CD99: variants seen among roughly 807,000 people sequenced by gnomAD.
CD99 encodes CD99 molecule (Xg blood group), also known as CD99 antigen.
CD99 carries 19 observed loss-of-function variants against 28.4 expected under a neutral mutation model. The ratio of observed to expected loss-of-function variants is 0.67; its 90% CI spans 0.47 to 0.98. The LOEUF (loss-of-function observed/expected upper bound fraction) is 0.98, where lower values mean the gene tolerates loss of function less well. Ranked by LOEUF, CD99 falls within the 50% of genes least tolerant of loss-of-function variation. CD99 has a pLI of 0.00. For missense variants in CD99, 283 were observed against 248.8 expected (o/e 1.14, Z -0.92); for synonymous variants, 103 against 92.1 (o/e 1.12, Z -0.67).
At chrX:2,694,107 C>G (rs1329511586) in intron 1 of CD99, among the ~76,000 whole-genome samples, 1 of 152,110 alleles carries the variant, frequency 6.6e-6, no homozygotes, top group Non-Finnish European at 1.5e-5. Context: ...CGCACACATC[C>G]GATGCATCCC....
rs190375439 is a variant in CD99 at position 2,726,845 on chromosome X, C to T, written c.475+472C>T. On this transcript the variant is annotated intron_variant, in intron 8 of 9. Transcript: ENST00000381192. ...CTCCACTGAGAGTTAAGTTAAAAGC[C>T]GGCACAAGGCCGGACATGGTGGCTC... 3.0e-3 allele frequency among the ~76,000 whole-genome samples: 451 copies of T among 152,046 alleles called. 2 individuals carry two copies. Among genetic ancestry groups the T allele is most frequent in the African/African-American group, 9.9e-3 (411 of 41,436 alleles).
chrX:2,709,701 T>G (rs761620578), intron 1 of CD99, among the ~76,000 whole-genome samples: 1 of 152,106 alleles, frequency 6.6e-6, no homozygotes, highest in Non-Finnish European at 1.5e-5. Flanking sequence ...TGCATGAACA[T>G]AGACACACAC....
At position 2,722,627 on chromosome X, in the gene CD99, G is replaced by C; in HGVS notation, c.263G>C (p.Gly88Ala). ...GGTGATGCTGTATTTTCTTTCCTAG[G>C]TAGCTTTTCAGATGCTGACCTTGCG... is the stretch of plus-strand genomic sequence containing the variant. ...NPNPNHPSSS[G>A]SFSDADLADG... Residue 88 changes from glycine (G) to alanine (A), a missense_variant and splice_region_variant, in exon 6 of 10, where the codon GGT becomes GCT. Transcript: ENST00000381192. The C allele has an allele frequency of 6.2e-7, 1 of 1,613,934 alleles. No individual in the cohort carries two copies. Among genetic ancestry groups the C allele is most frequent in the Non-Finnish European group, 8.5e-7 (1 of 1,179,842 alleles).
At chrX:2,706,826 ATTAAT>A (rs2048139981) in intron 1 of CD99, among the ~76,000 whole-genome samples, 1 of 151,808 alleles carries the variant, frequency 6.6e-6, no homozygotes, top group Non-Finnish European at 1.5e-5. Flanking sequence ...TAATTAATTA[ATTAAT>A]TTATTTCGAG....
intron 1 of CD99, among the ~76,000 whole-genome samples, chrX:2,697,555 C>A (rs311036): frequency 0.43 from 65,480 of 151,856 alleles, 15,030 homozygotes; most frequent in South Asian, 0.51. Context: ...CCCTGGCAAG[C>A]ATTGATCCAC....
At chrX:2,734,524 C>A (rs1421514562) in intron 8 of CD99, among the ~76,000 whole-genome samples, 1 of 151,938 alleles carries the variant, frequency 6.6e-6, no homozygotes, top group African/African-American at 2.4e-5. Context: ...CCAGGCTGAT[C>A]TCGAACTTCT....
At chrX:2,732,523 T>G (rs178127) in intron 8 of CD99, among the ~76,000 whole-genome samples, 59,766 of 146,990 alleles carry the variant, frequency 0.41, 13,606 homozygotes, top group African/African-American at 0.63. Context: ...TCTCTCTTCC[T>G]TCCCTGCTTT....
intron 1 of CD99, among the ~76,000 whole-genome samples, chrX:2,693,324 GA>G (rs1400202547): frequency 2.4e-5 from 3 of 124,218 alleles, no homozygotes; most frequent in Non-Finnish European, 4.8e-5. Context: ...TGAGTAAAGG[GA>G]AGAGTACCTG....
At chrX:2,731,467 G>A (rs1355596309) in intron 8 of CD99, among the ~76,000 whole-genome samples, 1 of 152,182 alleles carries the variant, frequency 6.6e-6, no homozygotes, top group Non-Finnish European at 1.5e-5. Flanking sequence ...GTGCACACAT[G>A]TATTTCCAGG....
rs775613947 is a variant in CD99 at position 2,726,279 on chromosome X, C to A, written c.381C>A (p.Ile127=). Residue 127 remains isoleucine, a synonymous_variant, in exon 8 of 10, where the codon ATC becomes ATA. Coordinates refer to ENST00000381192, the MANE Select transcript of CD99 (RefSeq NM_002414.5). ...CTGCAGCCGACGCCCCAGGCGTGAT[C>A]CCCGGGATTGTGGGGGCTGTCGTGG... ...EGEEADAPGV[I]PGIVGAVVVA... The A allele has an allele frequency of 6.2e-7, 1 of 1,610,360 alleles. No homozygotes were observed. The highest frequency in any genetic ancestry group is 8.5e-7 in the Non-Finnish European group (1 of 1,178,236).
chrX:2,707,578 C>T (rs1027799504), intron 1 of CD99, among the ~76,000 whole-genome samples: 1 of 152,176 alleles, frequency 6.6e-6, no homozygotes, highest in Non-Finnish European at 1.5e-5. Flanking sequence ...CAGACTGACT[C>T]ATGCCATCTG....
chrX:2,703,419 G>A (rs1195912308), intron 1 of CD99, among the ~76,000 whole-genome samples: 1 of 151,982 alleles, frequency 6.6e-6, no homozygotes, highest in Non-Finnish European at 1.5e-5. Context: ...TATTCACTGC[G>A]GTGTCTTTAA....
intron 1 of CD99, among the ~76,000 whole-genome samples, chrX:2,698,605 T>C (rs2047687581): frequency 1.3e-5 from 2 of 152,150 alleles, no homozygotes; most frequent in South Asian, 4.2e-4. Context: ...TAGTTGGGAC[T>C]ATGGGCACAT....
At chrX:2,714,583 G>T in intron 2 of CD99, 129 bp downstream of exon 2, 1 of 767,796 alleles carries the variant, frequency 1.3e-6, no homozygotes, top group Non-Finnish European at 2.2e-6. Flanking sequence ...GCAATTTTTG[G>T]CTTCCCAGTA....
intron 9 of CD99, among the ~76,000 whole-genome samples, chrX:2,739,641 C>T (rs1184515054): frequency 1.2e-4 from 18 of 151,786 alleles, no homozygotes; most frequent in South Asian, 2.1e-4. Context: ...TTACTAGAGA[C>T]GGGGCTTTCG....
chrX:2,691,352 G>A lies in CD99; in HGVS notation c.-9G>A. 1 of 1,563,260 alleles carries A rather than the reference G, an allele frequency of 6.4e-7. No individual in the cohort carries two copies. ...CTCCGGGACCGTCCCTGCGCGCTCT[G>A]GGCGCACCATGGCCCGCGGGGCTGC... On this transcript the variant is annotated 5_prime_UTR_variant, in exon 1 of 10. Coordinates refer to ENST00000381192, the MANE Select transcript of CD99 (RefSeq NM_002414.5).
chrX:2,720,165 G>A (rs1163658507), intron 4 of CD99, among the ~76,000 whole-genome samples, 191 bp from the exon 5 acceptor site: 5 of 152,152 alleles, frequency 3.3e-5, no homozygotes, highest in African/African-American at 9.7e-5. Context: ...ATTAAACATA[G>A]TTGACATTAA....
chrX:2,691,370 G>C lies in CD99; in HGVS notation c.10G>C (p.Gly4Arg). 6.4e-7 allele frequency: 1 copy of C among 1,573,500 alleles called. No homozygotes were observed. Among genetic ancestry groups the C allele is most frequent in the East Asian group, 2.3e-5 (1 of 42,830 alleles). The change falls in exon 1 of 10, where the codon GGG (glycine) becomes CGG (arginine). Residue 4 changes from glycine (G) to arginine (R), a missense_variant. Coordinates refer to ENST00000381192, the MANE Select transcript of CD99 (RefSeq NM_002414.5). ...GCGCTCTGGGCGCACCATGGCCCGC[G>C]GGGCTGCGCTGGCGCTGCTGCTCTT... MAR[G>R]AALALLLFGL...
rs184797716 is a variant in CD99, at chrX:2,711,663, A to G, written c.68-2759A>G. On this transcript the variant is annotated intron_variant, in intron 1 of 9. Transcript: ENST00000381192. ...AGTGAGAATAAGTGCCTTTCATGCT[A>G]TGTAAACTATGCCTCAATAAAGCTA... Among the ~76,000 whole-genome samples the G allele has an allele frequency of 2.1e-3, 320 of 152,312 alleles. 1 individual carries two copies. Among genetic ancestry groups the G allele is most frequent in the African/African-American group, 6.7e-3 (278 of 41,574 alleles).
Sources: allele counts gnomAD v4.1 joint callset (sites outside exome capture counted in the v4.1 genomes callset), GRCh38; gene constraint gnomAD v4.1.1; transcripts MANE v1.5; gene names NCBI Gene and HGNC (gene_info 2026-07-23, HGNC 2026-07-21).